CHN2: variants seen among roughly 807,000 people sequenced by gnomAD.
The protein encoded by CHN2 is chimerin 2, also known as beta-chimaerin.
Under a neutral mutation model 56.3 loss-of-function variants are expected in CHN2, and 35 were observed. The ratio of observed to expected loss-of-function variants is 0.62; its 90% CI spans 0.47 to 0.82. The LOEUF (loss-of-function observed/expected upper bound fraction) is 0.82. Ranked by LOEUF, CHN2 falls within the 40% of genes least tolerant of loss-of-function variation. The probability of loss-of-function intolerance (pLI) is 0.00; values close to 1 mark genes in which losing one functional copy is unlikely to be tolerated. For missense variants in CHN2, 491 were observed against 580.5 expected, an observed-to-expected ratio of 0.85 and a Z score of 1.58; for synonymous variants, 210 against 212.8, an observed-to-expected ratio of 0.99 and a Z score of 0.12.
chr7:29,293,505 C>G (rs921282106), intron 1 of CHN2, among the ~76,000 whole-genome samples: 1 of 152,186 alleles, frequency 6.6e-6, no homozygotes, highest in Non-Finnish European at 1.5e-5. Flanking sequence ...TATCATCCCT[C>G]AGACTTCTGG....
At chr7:29,151,800 A>G (rs1045337344) in intron 2 of CHN2, among the ~76,000 whole-genome samples, 2 of 152,174 alleles carry the variant, frequency 1.3e-5, no homozygotes, top group Admixed American at 6.5e-5. Context: ...ATGTATGGGA[A>G]GAGAACACCA....
Position 29,512,525 on chromosome 7 carries a change from G to T in CHN2, c.1236-39G>T, listed in dbSNP as rs201472467. On this transcript the variant is annotated intron_variant, in intron 12 of 12. Transcript: ENST00000222792. The stretch of plus-strand genomic sequence containing the variant: ...ATCAATACATAAAATCAATCCTCAA[G>T]TCTCCATAATGTCTCTGTTCTATAT... 1.3e-5 allele frequency: 20 copies of T among 1,546,482 alleles called. No individual in the cohort carries two copies. The East Asian group carries it at 4.3e-4, about 33-fold the overall frequency.
intron 3 of CHN2, among the ~76,000 whole-genome samples, chr7:29,375,911 T>A (rs566296597): frequency 6.6e-6 from 1 of 152,308 alleles, no homozygotes; most frequent in East Asian, 1.9e-4. Flanking sequence ...AAGGAGCAGG[T>A]GCATAATGCT....
At chr7:29,495,923 CT>C in intron 7 of CHN2, 28 bp from the exon 8 acceptor site, 1 of 1,600,086 alleles carries the variant, frequency 6.2e-7, no homozygotes, top group Non-Finnish European at 8.6e-7. Context: ...TCTGAGCTTT[CT>C]GACATTTTTC....
At chr7:29,482,797 C>CTTTTTTTTTTTTTTTTTTTTTTTTT in intron 7 of CHN2, among the ~76,000 whole-genome samples, 1 of 64,214 alleles carries the variant, frequency 1.6e-5, no homozygotes, top group Non-Finnish European at 2.9e-5. Context: ...GCACTTTTTT[C>CTTTTTTTTTTTTTTTTTTTTTTTTT]TTTTTTTTTT....
At position 29,445,005 on chromosome 7, in the gene CHN2, A is replaced by G. The variant is rs1300313428; in HGVS notation, c.577-35274A>G. 16 of 382,466 alleles carry G rather than the reference A, an allele frequency of 4.2e-5. No individual in the cohort carries two copies. The Admixed American group carries it at 4.3e-4, about 10-fold the overall frequency. The allele number at this position is 382,466 out of a possible 1,614,324, so 23.7% of individuals were successfully genotyped here. The stretch of plus-strand genomic sequence containing the variant: ...TTTATTCTGGATCTGAAGCCTAGAG[A>G]TCTGAGCAGAATGAAGAGATAGAGA... On this transcript the variant is annotated intron_variant, in intron 6 of 12. Coordinates refer to ENST00000222792, the MANE Select transcript of CHN2 (RefSeq NM_004067.4).
chr7:29,412,844 T>C (rs1003284968), intron 6 of CHN2, among the ~76,000 whole-genome samples: 2 of 148,424 alleles, frequency 1.3e-5, no homozygotes, highest in Non-Finnish European at 3.0e-5. Context: ...AGGTCAAAGT[T>C]CCATTTGTAG....
intron 1 of CHN2, among the ~76,000 whole-genome samples, chr7:29,248,860 C>T (rs1488886416): frequency 6.6e-6 from 1 of 152,164 alleles, no homozygotes; most frequent in Non-Finnish European, 1.5e-5. Context: ...ATGAGCCGGG[C>T]TTAGAATCCT....
intron 1 of CHN2, among the ~76,000 whole-genome samples, chr7:29,290,576 G>A (rs961811687): frequency 1.3e-5 from 2 of 152,204 alleles, no homozygotes; most frequent in African/African-American, 4.8e-5. Context: ...CAGTATTCCC[G>A]TGAGACTTGT....
chr7:29,459,820 A>T (rs1785021202), intron 6 of CHN2, among the ~76,000 whole-genome samples: 1 of 152,200 alleles, frequency 6.6e-6, no homozygotes, highest in Non-Finnish European at 1.5e-5. Flanking sequence ...CAAGTGGTAG[A>T]AGAAGCCCGA....
chr7:29,442,395 G>C (rs917012990), intron 6 of CHN2, among the ~76,000 whole-genome samples: 3 of 152,146 alleles, frequency 2.0e-5, no homozygotes, highest in Non-Finnish European at 4.4e-5. Context: ...CTCTGTGCAG[G>C]GTTGATTGAG....
At chr7:29,322,742 G>A (rs1397198474) in intron 1 of CHN2, among the ~76,000 whole-genome samples, 1 of 152,170 alleles carries the variant, frequency 6.6e-6, no homozygotes, top group Non-Finnish European at 1.5e-5. Context: ...ACTATTCCTA[G>A]TCAGGGACGG....
intron 1 of CHN2, among the ~76,000 whole-genome samples, chr7:29,328,197 A>G (rs1373548968): frequency 6.6e-6 from 1 of 152,154 alleles, no homozygotes; most frequent in Non-Finnish European, 1.5e-5. Context: ...AGAAGTCTGA[A>G]TCGTATTTTC....
At chr7:29,202,693 C>G (rs184367994) in intron 1 of CHN2, among the ~76,000 whole-genome samples, 19 of 152,340 alleles carry the variant, frequency 1.2e-4, no homozygotes, top group African/African-American at 4.3e-4. Flanking sequence ...AGGCCCAGTT[C>G]CTGGATTTTA....
intron 1 of CHN2, among the ~76,000 whole-genome samples, chr7:29,349,416 G>T (rs756111756): frequency 5.9e-5 from 9 of 152,136 alleles, no homozygotes; most frequent in Non-Finnish European, 1.0e-4. Flanking sequence ...ACTTGCTTAA[G>T]GTCACACAGC....
chr7:29,384,460 C>G (rs1445489850), intron 3 of CHN2, among the ~76,000 whole-genome samples: 6 of 152,100 alleles, frequency 3.9e-5, no homozygotes, highest in Non-Finnish European at 8.8e-5. Flanking sequence ...GTTGGGAGAC[C>G]TGAAATACCC....
intron 1 of CHN2, among the ~76,000 whole-genome samples, chr7:29,343,780 T>C (rs1334119613): frequency 6.6e-6 from 1 of 151,920 alleles, no homozygotes; most frequent in Non-Finnish European, 1.5e-5. Flanking sequence ...ATGTTCCCCC[T>C]GTGTCATGTC....
At chr7:29,473,483 TGTGTG>T (rs1236127986) in intron 6 of CHN2, among the ~76,000 whole-genome samples, 2 of 72,006 alleles carry the variant, frequency 2.8e-5, no homozygotes, top group East Asian at 4.9e-4. Flanking sequence ...TTTTTTTTTT[TGTGTG>T]TGTGTGTGTG....
chr7:29,265,462 C>G (rs1447839214), intron 1 of CHN2, among the ~76,000 whole-genome samples: 2 of 152,198 alleles, frequency 1.3e-5, no homozygotes, highest in Non-Finnish European at 2.9e-5. Context: ...CTTAAGGCCC[C>G]TGAAGCTGAG....
Sources: allele counts gnomAD v4.1 joint callset (sites outside exome capture counted in the v4.1 genomes callset), GRCh38; gene constraint gnomAD v4.1.1; transcripts MANE v1.5; gene names NCBI Gene and HGNC (gene_info 2026-07-23, HGNC 2026-07-21).